The following SDK1 variants were observed in gnomAD, a reference collection of about 807,000 sequenced individuals.
SDK1 encodes sidekick cell adhesion molecule 1, also known as protein sidekick-1.
Under a neutral mutation model 245.5 loss-of-function variants are expected in SDK1, and 157 were observed. The observed-to-expected ratio is 0.64, with a 90% CI of 0.56 to 0.73. The LOEUF is 0.73. SDK1 is among the 30% of genes least tolerant of loss of function. SDK1 has a pLI of 0.00. For missense variants in SDK1, 3,583 were observed against 3,002.3 expected (o/e 1.19, Z -4.52); for synonymous variants, 1,647 against 1,278.5 (o/e 1.29, Z -6.15).
chr7:3,714,782 C>T (rs549762977), intron 4 of SDK1, among the ~76,000 whole-genome samples: 88 of 152,224 alleles, frequency 5.8e-4, no homozygotes, highest in African/African-American at 1.8e-3. Context: ...TTTTGTAGGA[C>T]GGTTCATTTC....
At chr7:4,142,481 A>G (rs10951440) in intron 28 of SDK1, among the ~76,000 whole-genome samples, 80,771 of 151,608 alleles carry the variant, frequency 0.53, 22,342 homozygotes, top group East Asian at 0.85. Flanking sequence ...AGCGCCCGCC[A>G]TCACGCCCGG....
At chr7:3,820,012 C>T (rs921815063) in intron 4 of SDK1, among the ~76,000 whole-genome samples, 1 of 152,148 alleles carries the variant, frequency 6.6e-6, no homozygotes, top group Non-Finnish European at 1.5e-5. Flanking sequence ...GTGGGTAACA[C>T]AACTCACTCT....
intron 4 of SDK1, among the ~76,000 whole-genome samples, chr7:3,760,087 C>T (rs932237566): frequency 5.3e-5 from 8 of 151,380 alleles, no homozygotes; most frequent in African/African-American, 7.3e-5. Flanking sequence ...TGACTGTTTA[C>T]GCATTGTGCA....
rs576435295 is a variant in SDK1 at position 4,113,950 on chromosome 7, G to C, written c.3586-87G>C. The C allele has an allele frequency of 4.4e-4, 448 of 1,015,502 alleles. 1 individual carries two copies. In the African/African-American group the frequency reaches 6.5e-3, roughly 15 times the overall value. The allele number at this position is 1,015,502 out of a possible 1,614,324, so 62.9% of individuals were successfully genotyped here. ...CAGGAACACCTCCTCCACGGAGTTGGCCTCACAGGGCAGGCCCATCCCTTA... is the reference window on the plus strand; with the variant it reads ...CAGGAACACCTCCTCCACGGAGTTGCCCTCACAGGGCAGGCCCATCCCTTA... On this transcript the variant is annotated intron_variant, in intron 24 of 44. Transcript: ENST00000404826.
intron 25 of SDK1, among the ~76,000 whole-genome samples, chr7:4,126,354 G>C (rs1784389278): frequency 6.6e-6 from 1 of 152,238 alleles, no homozygotes; most frequent in African/African-American, 2.4e-5. Flanking sequence ...ATCTGAATCA[G>C]TGCAAACATA....
chr7:3,791,165 C>CA (rs1184530205), intron 4 of SDK1, among the ~76,000 whole-genome samples: 1,668 of 139,692 alleles, frequency 0.012, 7 homozygotes, highest in Middle Eastern at 0.022. Context: ...TTAAAAACAA[C>CA]AAAAAAAAAA....
At chr7:3,794,254 A>G (rs1029868395) in intron 4 of SDK1, among the ~76,000 whole-genome samples, 12 of 152,278 alleles carry the variant, frequency 7.9e-5, no homozygotes, top group African/African-American at 2.2e-4. Context: ...CCCTTCCCAC[A>G]TCTCCTGTCC....
At chr7:3,866,096 T>A (rs1399426871) in intron 5 of SDK1, among the ~76,000 whole-genome samples, 1 of 152,224 alleles carries the variant, frequency 6.6e-6, no homozygotes, top group African/African-American at 2.4e-5. Context: ...GTTAGTTGAC[T>A]TTTTAGCTAT....
chr7:3,470,441 T>C (rs1781146444), intron 1 of SDK1, among the ~76,000 whole-genome samples: 1 of 152,192 alleles, frequency 6.6e-6, no homozygotes, highest in African/African-American at 2.4e-5. Context: ...AACAATTTAA[T>C]TTTTGATACA....
chr7:3,446,453 C>G (rs530276687), intron 1 of SDK1, among the ~76,000 whole-genome samples: 37 of 152,234 alleles, frequency 2.4e-4, no homozygotes, highest in African/African-American at 8.7e-4. Flanking sequence ...CAGCATCTTA[C>G]AGCAAAAATT....
rs534844384 is a variant in SDK1, at chr7:4,232,933, G to C, written c.5828-322G>C. 119 of 196,280 alleles carry C rather than the reference G, an allele frequency of 6.1e-4. 1 individual carries two copies. The highest frequency in any genetic ancestry group is 2.7e-3 in the African/African-American group (117 of 43,348). 12.2% of individuals were successfully genotyped at this position (196,280 alleles called of 1,614,324 possible). A position where few individuals can be genotyped will look rare whatever the true frequency, so the allele number is the denominator to read the frequency against. ...AGTTTATTCATGTTTTCTTATATGTGAGGTTTATAATAAATCATACATACA... is the reference window on the plus strand; with the variant it reads ...AGTTTATTCATGTTTTCTTATATGTCAGGTTTATAATAAATCATACATACA... On this transcript the variant is annotated intron_variant, in intron 40 of 44. Transcript: ENST00000404826.
At chr7:3,609,591 G>A (rs768824339) in intron 1 of SDK1, among the ~76,000 whole-genome samples, 1 of 151,992 alleles carries the variant, frequency 6.6e-6, no homozygotes, top group Non-Finnish European at 1.5e-5. Flanking sequence ...CAGTAGAGAT[G>A]GGGTTTCACT....
chr7:3,428,009 A>C (rs1045597369), intron 1 of SDK1, among the ~76,000 whole-genome samples: 46 of 152,158 alleles, frequency 3.0e-4, no homozygotes, highest in African/African-American at 9.4e-4. Context: ...TCAGTGCTGT[A>C]CTTTCATCTT....
At chr7:4,192,938 A>G (rs945693070) in intron 35 of SDK1, among the ~76,000 whole-genome samples, 2 of 150,330 alleles carry the variant, frequency 1.3e-5, no homozygotes, top group Non-Finnish European at 3.0e-5. Flanking sequence ...ATATCCCTAT[A>G]ATAACTCTTT....
chr7:3,593,191 C>G (rs1019326052), intron 1 of SDK1, among the ~76,000 whole-genome samples: 1 of 152,144 alleles, frequency 6.6e-6, no homozygotes, highest in South Asian at 2.1e-4. Context: ...ACTTTAAGAA[C>G]GTATTTATGC....
intron 44 of SDK1, among the ~76,000 whole-genome samples, chr7:4,257,329 C>A (rs1398904007): frequency 1.3e-5 from 2 of 152,212 alleles, no homozygotes; most frequent in Non-Finnish European, 2.9e-5. Context: ...CACTTTCTGT[C>A]CTTCTACAGT....
At chr7:3,353,773 G>T (rs954453232) in intron 1 of SDK1, among the ~76,000 whole-genome samples, 3 of 151,906 alleles carry the variant, frequency 2.0e-5, no homozygotes, top group Non-Finnish European at 4.4e-5. Flanking sequence ...GCTGGTGAAG[G>T]AACATTAACT....
intron 4 of SDK1, among the ~76,000 whole-genome samples, chr7:3,742,640 C>T (rs984710447): frequency 1.3e-5 from 2 of 152,188 alleles, no homozygotes; most frequent in African/African-American, 2.4e-5. Flanking sequence ...AGCTTCCAAG[C>T]ACAGCCATTC....
chr7:3,973,333 A>G (rs1394072505), intron 12 of SDK1, among the ~76,000 whole-genome samples: 2 of 152,198 alleles, frequency 1.3e-5, no homozygotes, highest in Non-Finnish European at 2.9e-5. Context: ...AACTGGGCAC[A>G]TTTGCAAAAC....
Sources: gnomAD v4.1 joint callset for allele counts (sites outside exome capture counted in the v4.1 genomes callset) on GRCh38, gnomAD v4.1.1 for gene constraint, MANE v1.5 for transcripts, NCBI Gene and HGNC (gene_info 2026-07-23, HGNC 2026-07-21) for gene names.